DMBT1: variants seen among roughly 807,000 people sequenced by gnomAD.
DMBT1 encodes scavenger receptor cysteine-rich domain-containing protein DMBT1.
A neutral mutation model predicts 252.9 loss-of-function variants in DMBT1; 198 were observed. The observed-to-expected ratio is 0.78, with a 90% CI of 0.70 to 0.88. DMBT1 has a LOEUF of 0.88. Ranked by LOEUF, DMBT1 falls within the 40% of genes least tolerant of loss-of-function variation. The pLI is 0.00. For synonymous variants in DMBT1, 990 were observed against 942.7 expected (o/e 1.05, Z -0.92); for missense variants, 2,432 against 2,404.7 (o/e 1.01, Z -0.24).
chr10:122,579,720 G>C lies in DMBT1; in HGVS notation c.822G>C (p.Gln274His). Residue 274 changes from glutamine (Q) to histidine (H), a missense_variant, in exon 10 of 56, where the codon CAG (glutamine) becomes CAC (histidine). Gln to His is a conservative substitution (Grantham distance 24). This residue lies in a region of DMBT1 where 1,264 missense variants were observed against 1,082.2 expected (regional missense o/e 1.17). Coordinates refer to ENST00000338354, the MANE Select transcript of DMBT1 (RefSeq NM_001377530.1). ...DTNDANVVCRQLGCGWAMSAP... is the reference protein window; with the variant it reads ...DTNDANVVCRHLGCGWAMSAP... ...ATGATGCCAATGTGGTCTGCAGGCA[G>C]CTGGGCTGTGGCTGGGCCATGTCAG... The C allele has an allele frequency of 6.2e-7, 1 of 1,613,894 alleles. No individual in the cohort carries two copies. The highest frequency in any genetic ancestry group is 8.5e-7 in the Non-Finnish European group (1 of 1,179,814).
Position 122,643,323 on chromosome 10 carries a change from C to T in DMBT1, c.7554C>T (p.Tyr2518=). 6.2e-7 allele frequency: 1 copy of T among 1,613,924 alleles called. No homozygotes were observed. Among genetic ancestry groups the T allele is most frequent in the Non-Finnish European group, 8.5e-7 (1 of 1,179,890 alleles). ...VLRSKRDVGS[Y]QEKVDVVLGP... Reference sequence around the variant, plus strand: ...GGTCGAAGAGGGATGTGGGCTCCTACCAGGAAAAGGTGGACGTCGTCCTGG... The same window carrying T: ...GGTCGAAGAGGGATGTGGGCTCCTATCAGGAAAAGGTGGACGTCGTCCTGG... Residue 2518 remains tyrosine, a synonymous_variant, in exon 56 of 56, where the codon TAC becomes TAT. Transcript: ENST00000338354.
In DMBT1 at chr10:122,633,351, C is replaced by T. The variant is rs148720177; in HGVS notation, c.6548+10C>T. 537 of 1,611,470 alleles carry T rather than the reference C, an allele frequency of 3.3e-4. No individual in the cohort carries two copies. In the East Asian group the frequency reaches 3.5e-3, roughly 10 times the overall value. Reference sequence around the variant, plus strand: ...TCTTCAGAGATGTCCAGTAAGTGTGCGCCCAGAAGAATGCCTTGGGGCCCC... The same window carrying T: ...TCTTCAGAGATGTCCAGTAAGTGTGTGCCCAGAAGAATGCCTTGGGGCCCC... On this transcript the variant is annotated intron_variant, in intron 52 of 55. Transcript: ENST00000338354.
chr10:122,579,452 C>T, intron 9 of DMBT1, 126 bp from the exon 10 acceptor site: 1 of 1,555,384 alleles, frequency 6.4e-7, no homozygotes, highest in Non-Finnish European at 8.7e-7. Context: ...AGTCTGTGGT[C>T]ATATGCAAAG....
In DMBT1 at chr10:122,589,183, G is replaced by A; in HGVS notation, c.2023G>A (p.Glu675Lys). The change falls in exon 17 of 56, where the codon GAG (glutamate) becomes AAG (lysine). Residue 675 changes from glutamate to lysine, a missense_variant. Around this residue, in one of 3 missense-constraint regions of DMBT1, gnomAD observed 1,264 missense variants for 1,082.2 expected, o/e 1.17. Coordinates refer to ENST00000338354, the MANE Select transcript of DMBT1 (RefSeq NM_001377530.1). ...GGATGATGTGCGCTGCTCAGGACAT[G>A]AGTCCTACCTGTGGAGCTGCCCCAA... ...VLDDVRCSGH[E>K]SYLWSCPNNG... 6.3e-7 allele frequency: 1 copy of A among 1,588,478 alleles called. No homozygotes were observed.
rs1013149031 is a variant in DMBT1, at chr10:122,618,122, A to G, written c.4997A>G (p.Tyr1666Cys). ...TCCTGGGGCACCGTGTGTGATGACT[A>G]CTGGGACACCAATGATGCCAACGTG... ...QGSWGTVCDD[Y>C]WDTNDANVVC... Residue 1666 changes from tyrosine (Y) to cysteine (C), a missense_variant, in exon 41 of 56, where the codon TAC (tyrosine) becomes TGC (cysteine). Tyr to Cys is a radical substitution (Grantham distance 194, BLOSUM62 -2). Around this residue, in one of 3 missense-constraint regions of DMBT1, gnomAD observed 1,162 missense variants for 1,169.0 expected, o/e 0.99. Transcript: ENST00000338354. The G allele has an allele frequency of 7.4e-6, 12 of 1,613,924 alleles. No homozygotes were observed. In the African/African-American group the frequency reaches 1.3e-4, roughly 18 times the overall value.
chr10:122,592,425 G>A lies in DMBT1; in HGVS notation c.2330G>A (p.Gly777Asp), dbSNP rs1463089778. ...GTGGTCTGCAGGCAGCTGGGCTGTG[G>A]CTGGGCCACGTCGGCCCCAGGAAAT... ...ANVVCRQLGCGWATSAPGNAR... is the reference protein window; with the variant it reads ...ANVVCRQLGCDWATSAPGNAR... The change falls in exon 20 of 56, where the codon GGC (glycine) becomes GAC (aspartate). Residue 777 changes from glycine to aspartate, a missense_variant. By Grantham distance (94) the Gly-to-Asp change is moderately conservative. Coordinates refer to ENST00000338354, the MANE Select transcript of DMBT1 (RefSeq NM_001377530.1). The A allele has an allele frequency of 3.1e-6, 5 of 1,588,458 alleles. No homozygotes were observed. The highest frequency in any genetic ancestry group is 1.7e-5 in the Admixed American group (1 of 59,544).
Position 122,576,464 on chromosome 10 carries a change from A to G in DMBT1, c.349A>G (p.Ile117Val), listed in dbSNP as rs753231596. 1.2e-4 allele frequency: 199 copies of G among 1,613,838 alleles called. 3 individuals are homozygous for G. The South Asian group carries it at 2.0e-3, about 16-fold the overall frequency. The change falls in exon 7 of 56, where the codon ATC becomes GTC. Residue 117 changes from isoleucine (I) to valine (V), a missense_variant. Around this residue, in one of 3 missense-constraint regions of DMBT1, gnomAD observed 1,264 missense variants for 1,082.2 expected, o/e 1.17. Transcript: ENST00000338354. ...TGGCAGGTGTCAGGGCCGAGTGGAG[A>G]TCCTATACCGAGGCTCCTGGGGCAC... ...GDGRCQGRVE[I>V]LYRGSWGTVC...
chr10:122,579,928 T>A (rs766094934), intron 10 of DMBT1, 27 bp downstream of exon 10: 25 of 1,613,586 alleles, frequency 1.5e-5, no homozygotes, highest in Non-Finnish European at 1.8e-5. Flanking sequence ...TTGGGCTCAC[T>A]CTCTTGGGGT....
chr10:122,592,611 C>G lies in DMBT1; in HGVS notation c.2500+16C>G. On this transcript the variant is annotated intron_variant, in intron 20 of 55. Coordinates refer to ENST00000338354, the MANE Select transcript of DMBT1 (RefSeq NM_001377530.1). ...ATCTGCTCAGGTGGGCCTCCAAGAC[C>G]TTGGGCTCCCTCTCCTAGACTGGAG... The G allele has an allele frequency of 6.3e-7, 1 of 1,588,312 alleles. No homozygotes were observed.
chr10:122,623,441 A>G (rs79694078), intron 44 of DMBT1, among the ~76,000 whole-genome samples: 5,886 of 152,230 alleles, frequency 0.039, 303 homozygotes, highest in South Asian at 0.17. Context: ...ATTGCTCGGT[A>G]ATAGGGTAAT....
At chr10:122,585,248 C>T (rs781017646) in intron 14 of DMBT1, 23 bp from the exon 15 acceptor site, 5 of 1,585,324 alleles carry the variant, frequency 3.2e-6, no homozygotes, top group Non-Finnish European at 4.3e-6. Context: ...TAATTCTAGC[C>T]TTTGTCTCTG....
At chr10:122,564,176 C>G (rs1490233684) in intron 1 of DMBT1, among the ~76,000 whole-genome samples, 3 of 152,190 alleles carry the variant, frequency 2.0e-5, no homozygotes, top group Admixed American at 2.0e-4. Flanking sequence ...TCATGGAGCT[C>G]ATATTCAGGC....
chr10:122,599,078 C>T lies in DMBT1; in HGVS notation c.3261C>T (p.Asp1087=), dbSNP rs377379898. ...WLSHNCGHSE[D]AGVICSASQS... ...CCCACAACTGTGGCCATAGTGAAGA[C>T]GCTGGTGTCATCTGCTCAGGTGGGC... The change falls in exon 26 of 56, where the codon GAC becomes GAT. Residue 1087 remains aspartate (D), a synonymous_variant. Coordinates refer to ENST00000338354, the MANE Select transcript of DMBT1 (RefSeq NM_001377530.1). 1.6e-4 allele frequency: 263 copies of T among 1,613,832 alleles called. No homozygotes were observed. Among genetic ancestry groups the T allele is most frequent in the African/African-American group, 1.5e-3 (116 of 75,034 alleles).
In DMBT1 at chr10:122,629,969, TAA is replaced by T; in HGVS notation, c.5800_5801del (p.Asn1934ProfsTer5). 6.2e-7 allele frequency: 1 copy of T among 1,614,052 alleles called. No individual in the cohort carries two copies. The highest frequency in any genetic ancestry group is 8.5e-7 in the Non-Finnish European group (1 of 1,179,902). ...ATAGAAGTGAATTCTGGTTATCGCA[TAA>T]ACCTGGGCTTCAGTAATCTGAAGTA... On this transcript the variant is annotated frameshift_variant, in exon 47 of 56. Coordinates refer to ENST00000338354, the MANE Select transcript of DMBT1 (RefSeq NM_001377530.1). LOFTEE classifies it high-confidence loss of function.
rs45440294 is a variant in DMBT1, at chr10:122,593,690, T to C, written c.2530+92T>C. 5.0e-3 allele frequency: 6,975 copies of C among 1,394,074 alleles called. 499 individuals carry two copies. The highest frequency in any genetic ancestry group is 9.1e-3 in the Middle Eastern group (50 of 5,474). 86.4% of individuals were successfully genotyped at this position (1,394,074 alleles called of 1,614,324 possible). On this transcript the variant is annotated intron_variant, in intron 21 of 55. Coordinates refer to ENST00000338354, the MANE Select transcript of DMBT1 (RefSeq NM_001377530.1). ...CACAGAGCTCTCCTGTTTCTCTGTGTGGATACTGTGGGGCATATTATTTCC... is the reference window on the plus strand; with the variant it reads ...CACAGAGCTCTCCTGTTTCTCTGTGCGGATACTGTGGGGCATATTATTTCC...
chr10:122,580,976 G>A, intron 11 of DMBT1, 81 bp downstream of exon 11: 4 of 1,546,620 alleles, frequency 2.6e-6, no homozygotes, highest in Non-Finnish European at 3.5e-6. Flanking sequence ...GAGCTCTCCT[G>A]TTTCTCTGTG....
intron 54 of DMBT1, 49 bp downstream of exon 54, chr10:122,637,361 G>C (rs1360222985): frequency 1.3e-6 from 2 of 1,525,160 alleles, no homozygotes. Context: ...AGCTTTCTTA[G>C]AGCGGTATGT....
intron 54 of DMBT1, among the ~76,000 whole-genome samples, chr10:122,637,645 G>A: frequency 6.6e-6 from 1 of 152,204 alleles, no homozygotes; most frequent in East Asian, 1.9e-4. Context: ...TTAGGGTTGG[G>A]GGTGAGAGGC....
rs1192781403 is a variant in DMBT1 at position 122,574,995 on chromosome 10, A to T, written c.283+1233A>T. On this transcript the variant is annotated intron_variant, in intron 6 of 55. Coordinates refer to ENST00000338354, the MANE Select transcript of DMBT1 (RefSeq NM_001377530.1). The stretch of plus-strand genomic sequence containing the variant: ...GCAGTGGGTTAAGGGTAACTCTCAG[A>T]TCACTTCCTCTCCAAGCCCCAGCAC... Among the ~76,000 whole-genome samples, 8 of 152,298 alleles carry T rather than the reference A, an allele frequency of 5.3e-5. No homozygotes were observed. The East Asian group carries it at 1.5e-3, about 29-fold the overall frequency.
Sources: allele counts gnomAD v4.1 joint callset (sites outside exome capture counted in the v4.1 genomes callset), GRCh38; gene constraint gnomAD v4.1.1; regional missense constraint gnomAD v4.1.1; transcripts MANE v1.5; gene names NCBI Gene and HGNC (gene_info 2026-07-23, HGNC 2026-07-21).